The following ROBO2 variants were observed in gnomAD, a reference collection of about 807,000 sequenced individuals.
ROBO2 encodes roundabout homolog 2.
Under a neutral mutation model 160.8 loss-of-function variants are expected in ROBO2, and 53 were observed. The observed-to-expected ratio is 0.33, with a 90% CI of 0.26 to 0.41. The LOEUF is 0.41. Among genes scored for constraint, ROBO2 ranks in the 10% least tolerant of loss-of-function variants. The pLI is 1.00. For synonymous variants in ROBO2, 664 were observed against 611.7 expected, an observed-to-expected ratio of 1.09 and a Z score of -1.26; for missense variants, 1,577 against 1,722.4, an observed-to-expected ratio of 0.92 and a Z score of 1.49.
At chr3:75,938,333 T>G (rs566482142) in intron 2 of ROBO2, among the ~76,000 whole-genome samples, 15 of 152,122 alleles carry the variant, frequency 9.9e-5, no homozygotes, top group Non-Finnish European at 2.2e-4. Context: ...GGAGGTGTGT[T>G]GGAGGTTTTG....
At chr3:76,318,034 T>C (rs1248731023) in intron 2 of ROBO2, among the ~76,000 whole-genome samples, 1 of 152,250 alleles carries the variant, frequency 6.6e-6, no homozygotes, top group Admixed American at 6.5e-5. Context: ...TTGTCATTAA[T>C]GTATGCTTGT....
chr3:76,315,683 T>C lies in ROBO2; in HGVS notation c.109+378081T>C, dbSNP rs145591923. Among the ~76,000 whole-genome samples, 107 of 152,316 alleles carry C rather than the reference T, an allele frequency of 7.0e-4. 2 individuals carry two copies. In the East Asian group the frequency reaches 0.02, roughly 29 times the overall value. ...CCATTATTATATTTCTTCTGATGTT[T>C]CCCCTAGTTATATGAACTAATAAAA... On this transcript the variant is annotated intron_variant, in intron 2 of 26. Transcript: ENST00000487694.
intron 2 of ROBO2, among the ~76,000 whole-genome samples, chr3:76,835,995 A>G (rs1279287685): frequency 2.0e-5 from 3 of 152,020 alleles, no homozygotes; most frequent in African/African-American, 7.2e-5. Context: ...TCCCCCATCT[A>G]ATAGATGGAT....
intron 2 of ROBO2, among the ~76,000 whole-genome samples, chr3:76,774,969 T>C (rs2062150800): frequency 1.3e-5 from 2 of 150,650 alleles, no homozygotes; most frequent in Non-Finnish European, 3.0e-5. Context: ...TTGGGATTAA[T>C]TGGATTTGCT....
intron 2 of ROBO2, among the ~76,000 whole-genome samples, chr3:76,074,843 T>C (rs866613241): frequency 6.6e-6 from 1 of 152,034 alleles, no homozygotes; most frequent in Non-Finnish European, 1.5e-5. Flanking sequence ...CATAAATTGA[T>C]CAAAAAATGG....
chr3:76,352,334 C>G (rs143689883), intron 2 of ROBO2, among the ~76,000 whole-genome samples: 2 of 152,016 alleles, frequency 1.3e-5, no homozygotes, highest in African/African-American at 4.8e-5. Context: ...CACATCCCCT[C>G]GTTCCTACTG....
At chr3:76,132,951 T>C (rs571728538) in intron 2 of ROBO2, among the ~76,000 whole-genome samples, 1 of 152,238 alleles carries the variant, frequency 6.6e-6, no homozygotes, top group African/African-American at 2.4e-5. Flanking sequence ...ACCCTTGGAC[T>C]GTCTTGGCCT....
At chr3:77,579,576 A>T (rs919588195) in intron 15 of ROBO2, among the ~76,000 whole-genome samples, 3 of 152,296 alleles carry the variant, frequency 2.0e-5, no homozygotes, top group African/African-American at 4.8e-5. Flanking sequence ...AGAGGAAATT[A>T]TGTGTTTTAA....
chr3:76,322,478 T>G (rs548741241), intron 2 of ROBO2, among the ~76,000 whole-genome samples: 1 of 151,812 alleles, frequency 6.6e-6, no homozygotes, highest in African/African-American at 2.4e-5. Context: ...GGATGATCTT[T>G]AAGATTTACT....
intron 2 of ROBO2, among the ~76,000 whole-genome samples, chr3:77,138,106 T>C (rs2076419542): frequency 6.6e-6 from 1 of 152,190 alleles, no homozygotes; most frequent in Admixed American, 6.5e-5. Context: ...TTCTTAGCTT[T>C]TATAATAAGG....
rs550455811 is a variant in ROBO2, at chr3:77,487,599, AC to A, written c.668-5642del. On this transcript the variant is annotated intron_variant, in intron 4 of 25. Coordinates refer to ENST00000461745, the Ensembl canonical transcript of ROBO2. ...ACAATTCACATTCAATGACTATCAA[AC>A]CCATCCTTACCTCATACATGCCCAG... Among the ~76,000 whole-genome samples, 893 of 152,208 alleles carry A rather than the reference AC, an allele frequency of 5.9e-3. 9 individuals carry two copies. Among genetic ancestry groups the A allele is most frequent in the African/African-American group, 0.019 (781 of 41,540 alleles).
At chr3:76,373,044 A>G (rs147972636) in intron 2 of ROBO2, among the ~76,000 whole-genome samples, 257 of 152,132 alleles carry the variant, frequency 1.7e-3, no homozygotes, top group Non-Finnish European at 3.0e-3. Flanking sequence ...TTCCCCACCA[A>G]AGAAAACTGT....
At chr3:76,912,910 A>G (rs1057144915) in intron 2 of ROBO2, among the ~76,000 whole-genome samples, 1 of 152,180 alleles carries the variant, frequency 6.6e-6, no homozygotes, top group Non-Finnish European at 1.5e-5. Context: ...GATCCAATCC[A>G]GAACCTAGTG....
chr3:76,482,476 T>C (rs1471935443), intron 2 of ROBO2, among the ~76,000 whole-genome samples: 1 of 152,136 alleles, frequency 6.6e-6, no homozygotes, highest in Non-Finnish European at 1.5e-5. Context: ...GAAGGAAAAT[T>C]TGTCCCCTAC....
chr3:76,750,262 ACT>A (rs2093961503), intron 2 of ROBO2, among the ~76,000 whole-genome samples: 1 of 151,984 alleles, frequency 6.6e-6, no homozygotes, highest in African/African-American at 2.4e-5. Flanking sequence ...CATGCTAAAA[ACT>A]CTCAATAAAT....
rs2060688492 is a variant in ROBO2, at chr3:76,752,048, T to C, written c.110-345966T>C. 2.0e-5 allele frequency among the ~76,000 whole-genome samples: 3 copies of C among 152,036 alleles called. No individual in the cohort carries two copies. The South Asian group carries it at 6.2e-4, about 32-fold the overall frequency. ...CAAAGACTTGGAACCAACCCAAATGTCCATCAATGATAGACTAGATTAAGA... is the reference window on the plus strand; with the variant it reads ...CAAAGACTTGGAACCAACCCAAATGCCCATCAATGATAGACTAGATTAAGA... On this transcript the variant is annotated intron_variant, in intron 2 of 26. Coordinates refer to the ROBO2 transcript ENST00000487694.
chr3:77,399,100 T>TA (rs1193853680), intron 2 of ROBO2, among the ~76,000 whole-genome samples: 1 of 152,188 alleles, frequency 6.6e-6, no homozygotes, highest in Admixed American at 6.5e-5. Flanking sequence ...TTTGATTTTT[T>TA]AAAAATATAT....
At chr3:77,089,424 A>G (rs1027524954) in intron 1 of ROBO2, among the ~76,000 whole-genome samples, 2 of 152,224 alleles carry the variant, frequency 1.3e-5, no homozygotes, top group African/African-American at 2.4e-5. Context: ...GGAAACTTTC[A>G]GAATCAAGGC....
At chr3:77,634,938 G>C (rs757680523) in exon 24 of ROBO2, 2 of 1,614,112 alleles carry the variant, frequency 1.2e-6, no homozygotes, top group Non-Finnish European at 1.7e-6. Flanking sequence ...TAACACCAGT[G>C]CAGCCCTGAG....
Sources: gnomAD v4.1 joint callset for allele counts (sites outside exome capture counted in the v4.1 genomes callset) on GRCh38, gnomAD v4.1.1 for gene constraint, MANE v1.5 for transcripts, NCBI Gene and HGNC (gene_info 2026-07-23, HGNC 2026-07-21) for gene names.